The following PAK3 variants were observed in gnomAD, a reference collection of about 807,000 sequenced individuals.
The protein encoded by PAK3 is serine/threonine-protein kinase PAK 3.
In PAK3, 4 loss-of-function variants were observed where a neutral mutation model predicts 41.0. The ratio of observed to expected loss-of-function variants is 0.10; its 90% CI spans 0.05 to 0.22. The LOEUF (loss-of-function observed/expected upper bound fraction) is 0.22, where lower values mean the gene tolerates loss of function less well. Among genes scored for constraint, PAK3 ranks in the 10% least tolerant of loss-of-function variants. The pLI is 1.00. For missense variants in PAK3, 205 were observed against 409.9 expected (o/e 0.50, Z 4.32); for synonymous variants, 146 against 139.6 (o/e 1.05, Z -0.32).
intron 16 of PAK3, among the ~76,000 whole-genome samples, chrX:111,213,127 A>G (rs1200686076): frequency 1.8e-5 from 2 of 112,292 alleles, no homozygotes; most frequent in African/African-American, 6.5e-5. Context: ...AAGCAGATCA[A>G]CACTAATCAA....
intron 1 of PAK3, among the ~76,000 whole-genome samples, chrX:111,060,810 G>C (rs73539051): frequency 0.046 from 5,169 of 111,254 alleles, 293 homozygotes; most frequent in African/African-American, 0.16. Flanking sequence ...CATGTTCTTT[G>C]CTTTGTATTT....
chrX:111,207,284 C>T (rs1048321822), intron 16 of PAK3, among the ~76,000 whole-genome samples: 3 of 110,131 alleles, frequency 2.7e-5, no homozygotes, highest in African/African-American at 9.9e-5. Flanking sequence ...CTCTGATCCA[C>T]GGGTGTGAAA....
intron 1 of PAK3, among the ~76,000 whole-genome samples, chrX:111,049,215 T>G (rs2092531436): frequency 8.9e-6 from 1 of 112,293 alleles, no homozygotes; most frequent in African/African-American, 3.2e-5. Context: ...AGAAAGAGTT[T>G]TCTTCACCAT....
Position 111,162,902 on chromosome X carries a change from T to C in PAK3, c.469-13T>C, listed in dbSNP as rs769225015. ...GTTAATACCTGATCTTTAAACTTTG[T>C]TTTTGTCACAAGAGTACAAAAACAG... is the stretch of plus-strand genomic sequence containing the variant. On this transcript the variant is annotated splice_polypyrimidine_tract_variant and intron_variant, in intron 8 of 17. Transcript: ENST00000372007. The C allele has an allele frequency of 2.2e-5, 26 of 1,199,584 alleles. No individual in the cohort carries two copies. The highest frequency in any genetic ancestry group is 2.8e-5 in the Non-Finnish European group (25 of 886,147).
At chrX:111,153,647 C>T (rs1176663570) in intron 8 of PAK3, among the ~76,000 whole-genome samples, 2 of 111,970 alleles carry the variant, frequency 1.8e-5, no homozygotes, top group African/African-American at 6.5e-5. Flanking sequence ...TTATAGTGGA[C>T]AGATGTCTGC....
intron 1 of PAK3, among the ~76,000 whole-genome samples, chrX:110,958,804 C>T (rs191198969): frequency 3.6e-5 from 4 of 111,561 alleles, no homozygotes; most frequent in African/African-American, 1.3e-4. Context: ...CTGTGTCTTA[C>T]TCATCTCTAT....
chrX:111,051,737 C>T, intron 1 of PAK3, among the ~76,000 whole-genome samples: 1 of 110,212 alleles, frequency 9.1e-6, no homozygotes, highest in African/African-American at 3.3e-5. Context: ...TCAGAACTGC[C>T]TGGAAAAATG....
At position 111,001,177 on chromosome X, in the gene PAK3, T is replaced by G. The variant is rs2091842302; in HGVS notation, c.-28+56549T>G. On this transcript the variant is annotated intron_variant, in intron 1 of 14. Coordinates refer to the PAK3 transcript ENST00000425146. ...TTGCCGCATTCTGTGGTTTTAAAGGTATCGGAAAGAGACTGACCACAGAGG... is the reference window on the plus strand; with the variant it reads ...TTGCCGCATTCTGTGGTTTTAAAGGGATCGGAAAGAGACTGACCACAGAGG... Among the ~76,000 whole-genome samples, 3 of 111,855 alleles carry G rather than the reference T, an allele frequency of 2.7e-5. No individual in the cohort carries two copies. The Admixed American group carries it at 2.8e-4, about 11-fold the overall frequency.
At chrX:111,068,695 T>C (rs146049888) in intron 1 of PAK3, among the ~76,000 whole-genome samples, 1 of 112,659 alleles carries the variant, frequency 8.9e-6, no homozygotes, top group African/African-American at 3.2e-5. Context: ...ATTTCTAATA[T>C]GTGAATTTAA....
chrX:111,063,832 A>C (rs965301460), intron 1 of PAK3, among the ~76,000 whole-genome samples: 37 of 110,422 alleles, frequency 3.4e-4, no homozygotes, highest in Admixed American at 5.8e-4. Context: ...AAAAAAAAAA[A>C]AAAAATCAAT....
At chrX:111,006,086 T>C (rs2091918375) in intron 1 of PAK3, among the ~76,000 whole-genome samples, 2 of 111,664 alleles carry the variant, frequency 1.8e-5, no homozygotes, top group Admixed American at 9.5e-5. Context: ...CTTGGAAAAC[T>C]TTAAAAAATA....
intron 4 of PAK3, among the ~76,000 whole-genome samples, chrX:111,110,613 G>A (rs954245812): frequency 9.0e-6 from 1 of 111,155 alleles, no homozygotes; most frequent in African/African-American, 3.3e-5. Context: ...ACATAGCTGA[G>A]TGACATAGGG....
intron 1 of PAK3, among the ~76,000 whole-genome samples, chrX:111,041,528 G>C (rs1254119852): frequency 1.8e-5 from 2 of 111,938 alleles, no homozygotes; most frequent in African/African-American, 6.5e-5. Context: ...TATAGATCAA[G>C]TGCAAATCAT....
At chrX:111,031,074 A>C (rs1008713163) in intron 1 of PAK3, among the ~76,000 whole-genome samples, 2 of 112,311 alleles carry the variant, frequency 1.8e-5, no homozygotes, top group Non-Finnish European at 3.8e-5. Flanking sequence ...CAGTGGAAAC[A>C]AGACATTTCA....
At chrX:110,981,812 G>GT (rs1255231540) in intron 1 of PAK3, among the ~76,000 whole-genome samples, 1 of 111,553 alleles carries the variant, frequency 9.0e-6, no homozygotes, top group Admixed American at 9.6e-5. Context: ...AAATTTGTGT[G>GT]TTTTTTAAAA....
intron 4 of PAK3, among the ~76,000 whole-genome samples, chrX:111,114,797 C>A (rs991715108): frequency 8.9e-6 from 1 of 111,913 alleles, no homozygotes; most frequent in Non-Finnish European, 1.9e-5. Flanking sequence ...TATGAACACC[C>A]GAGTTTCCTC....
intron 1 of PAK3, among the ~76,000 whole-genome samples, chrX:111,066,401 T>C (rs1267684287): frequency 8.9e-6 from 1 of 112,463 alleles, no homozygotes. Context: ...CATTGATTTT[T>C]ATTTTGATTC....
At chrX:111,194,724 A>G (rs2094595232) in intron 14 of PAK3, among the ~76,000 whole-genome samples, 2 of 112,407 alleles carry the variant, frequency 1.8e-5, no homozygotes, top group South Asian at 7.4e-4. Context: ...TGATATTGGC[A>G]TAGCACTTCT....
intron 1 of PAK3, among the ~76,000 whole-genome samples, chrX:111,085,265 C>T (rs1429928319): frequency 9.0e-6 from 1 of 111,277 alleles, no homozygotes; most frequent in Non-Finnish European, 1.9e-5. Flanking sequence ...TAGGATATCC[C>T]AGGGGCTTGG....
Sources: allele counts gnomAD v4.1 joint callset (sites outside exome capture counted in the v4.1 genomes callset), GRCh38; gene constraint gnomAD v4.1.1; transcripts MANE v1.5; gene names NCBI Gene and HGNC (gene_info 2026-07-23, HGNC 2026-07-21).